The following COL13A1 variants were observed in gnomAD, a reference collection of about 807,000 sequenced individuals.
COL13A1 encodes collagen type XIII alpha 1 chain.
A neutral mutation model predicts 130.9 loss-of-function variants in COL13A1; 89 were observed. The ratio of observed to expected loss-of-function variants is 0.68; its 90% CI spans 0.57 to 0.81. The LOEUF (loss-of-function observed/expected upper bound fraction) is 0.81, where lower values mean the gene tolerates loss of function less well. COL13A1 is among the 30% of genes least tolerant of loss of function. COL13A1 has a pLI of 0.00. For missense variants in COL13A1, 879 were observed against 934.6 expected, an observed-to-expected ratio of 0.94 and a Z score of 0.78; for synonymous variants, 402 against 341.6, an observed-to-expected ratio of 1.18 and a Z score of -1.95.
At chr10:69,852,729 G>A (rs1855257553) in intron 2 of COL13A1, among the ~76,000 whole-genome samples, 1 of 152,260 alleles carries the variant, frequency 6.6e-6, no homozygotes, top group South Asian at 2.1e-4. Flanking sequence ...AGAGTGGCCT[G>A]CAGGTCACTT....
chr10:69,928,117 A>G (rs143698873), intron 27 of COL13A1, among the ~76,000 whole-genome samples: 1 of 152,108 alleles, frequency 6.6e-6, no homozygotes, highest in Non-Finnish European at 1.5e-5. Context: ...GCACCACTGC[A>G]CTCCAGCCTG....
At chr10:69,910,089 C>T (rs770496016) in intron 17 of COL13A1, among the ~76,000 whole-genome samples, 2 of 152,192 alleles carry the variant, frequency 1.3e-5, no homozygotes, top group African/African-American at 4.8e-5. Flanking sequence ...CCAACCTCCA[C>T]CTACTAATGG....
Position 69,918,328 on chromosome 10 carries a change from T to G in COL13A1, c.999+11T>G. 2 of 1,612,916 alleles carry G rather than the reference T, an allele frequency of 1.2e-6. No individual in the cohort carries two copies. Among genetic ancestry groups the G allele is most frequent in the Non-Finnish European group, 8.5e-7 (1 of 1,179,346 alleles). Reference sequence around the variant, plus strand: ...GTGGCTGGGATGAAGGTCAGTGGACTGTTGTAACCAACACATCAGGGACAG... The same window carrying G: ...GTGGCTGGGATGAAGGTCAGTGGACGGTTGTAACCAACACATCAGGGACAG... On this transcript the variant is annotated intron_variant, in intron 19 of 40. Coordinates refer to ENST00000645393, the MANE Select transcript of COL13A1 (RefSeq NM_001368882.1).
intron 34 of COL13A1, among the ~76,000 whole-genome samples, chr10:69,937,975 C>T (rs2067159565): frequency 6.6e-6 from 1 of 152,228 alleles, no homozygotes; most frequent in Admixed American, 6.5e-5. Flanking sequence ...GCTGGGAGGG[C>T]AGCTTCAGGC....
chr10:69,941,142 C>T (rs991156147), intron 35 of COL13A1, 119 bp downstream of exon 35: 118 of 1,526,970 alleles, frequency 7.7e-5, no homozygotes, highest in Middle Eastern at 1.7e-4. Context: ...GTCCCACCTC[C>T]GACACCAGAA....
rs780303583 is a variant in COL13A1 at position 69,936,730 on chromosome 10, T to C, written c.1771-26T>C. ...GTGTTAACTAGAGATGCAGTTCTAA[T>C]GCACCTTGCTTTATTCCAAATGCAG... is the stretch of plus-strand genomic sequence containing the variant. On this transcript the variant is annotated intron_variant, in intron 32 of 40. Coordinates refer to ENST00000645393, the MANE Select transcript of COL13A1 (RefSeq NM_001368882.1). The C allele has an allele frequency of 1.1e-5, 17 of 1,613,680 alleles. No individual in the cohort carries two copies. The East Asian group carries it at 2.4e-4, about 23-fold the overall frequency.
intron 31 of COL13A1, among the ~76,000 whole-genome samples, chr10:69,934,968 C>T (rs1366324118): frequency 6.6e-6 from 1 of 152,164 alleles, no homozygotes; most frequent in Non-Finnish European, 1.5e-5. Flanking sequence ...CTGGGGTAAA[C>T]TGAAGGTGTC....
chr10:69,952,320 CAT>C (rs894196085), intron 38 of COL13A1, among the ~76,000 whole-genome samples: 4 of 152,350 alleles, frequency 2.6e-5, no homozygotes, highest in African/African-American at 7.2e-5. Flanking sequence ...CACACACACA[CAT>C]ATACACAAGC....
intron 2 of COL13A1, among the ~76,000 whole-genome samples, chr10:69,825,376 T>C (rs1475500904): frequency 6.6e-6 from 1 of 152,232 alleles, no homozygotes; most frequent in Non-Finnish European, 1.5e-5. Flanking sequence ...AAGTGCCACA[T>C]ACAAATTCAA....
At chr10:69,830,306 A>G (rs1848512577) in intron 2 of COL13A1, among the ~76,000 whole-genome samples, 1 of 152,242 alleles carries the variant, frequency 6.6e-6, no homozygotes, top group South Asian at 2.1e-4. Flanking sequence ...AGAAAAAAGG[A>G]AAAGAAAAGA....
chr10:69,852,321 AT>A (rs1855100109), intron 2 of COL13A1, among the ~76,000 whole-genome samples: 1 of 152,240 alleles, frequency 6.6e-6, no homozygotes, highest in Non-Finnish European at 1.5e-5. Context: ...AATAATAATA[AT>A]AAGCCAATAC....
intron 14 of COL13A1, among the ~76,000 whole-genome samples, chr10:69,902,185 G>C (rs2062250298): frequency 6.6e-6 from 1 of 152,220 alleles, no homozygotes; most frequent in African/African-American, 2.4e-5. Flanking sequence ...TATATGTAAA[G>C]TCTCTTGCTC....
chr10:69,931,124 T>C (rs1367653759), intron 30 of COL13A1: 1 of 455,774 alleles, frequency 2.2e-6, no homozygotes, highest in Non-Finnish European at 4.4e-6. Flanking sequence ...AAGACCACCT[T>C]GAGCTCCACT....
intron 2 of COL13A1, 29 bp downstream of exon 2, chr10:69,822,467 G>T (rs193271706): frequency 6.5e-7 from 1 of 1,549,866 alleles, no homozygotes; most frequent in Non-Finnish European, 8.7e-7. Context: ...AGGTGACCGC[G>T]GATGTTCCTA....
chr10:69,848,115 A>C (rs761853954), intron 2 of COL13A1, among the ~76,000 whole-genome samples: 1 of 152,240 alleles, frequency 6.6e-6, no homozygotes, highest in Admixed American at 6.5e-5. Context: ...TGAAGAAGCC[A>C]CTGGGACCAG....
intron 23 of COL13A1, 103 bp from the exon 24 acceptor site, chr10:69,923,699 C>T (rs1477157052): frequency 6.9e-7 from 1 of 1,447,822 alleles, no homozygotes; most frequent in Non-Finnish European, 9.4e-7. Context: ...AAAGAGAAGT[C>T]CAAGGCAACA....
chr10:69,851,758 G>C (rs1854900734), intron 2 of COL13A1, among the ~76,000 whole-genome samples: 1 of 152,090 alleles, frequency 6.6e-6, no homozygotes, highest in African/African-American at 2.4e-5. Flanking sequence ...TGATTCAAGT[G>C]ATTCTCCTGT....
chr10:69,952,434 C>A, intron 38 of COL13A1, among the ~76,000 whole-genome samples: 1 of 152,318 alleles, frequency 6.6e-6, no homozygotes, highest in South Asian at 2.1e-4. Flanking sequence ...GGGCTCCAAG[C>A]AAAATCACCT....
chr10:69,935,915 G>A (rs2066772300), intron 32 of COL13A1, among the ~76,000 whole-genome samples: 1 of 151,724 alleles, frequency 6.6e-6, no homozygotes, highest in Non-Finnish European at 1.5e-5. Context: ...AGAGGCTAAG[G>A]TGGGAGAATC....
Sources: allele counts gnomAD v4.1 joint callset (sites outside exome capture counted in the v4.1 genomes callset), GRCh38; gene constraint gnomAD v4.1.1; transcripts MANE v1.5; gene names NCBI Gene and HGNC (gene_info 2026-07-23, HGNC 2026-07-21).